COL23A1: variants seen among roughly 807,000 people sequenced by gnomAD.
The protein encoded by COL23A1 is collagen type XXIII alpha 1 chain.
A neutral mutation model predicts 99.3 loss-of-function variants in COL23A1; 97 were observed. The observed-to-expected ratio is 0.98, with a 90% confidence interval of 0.83 to 1.16. COL23A1 has a LOEUF of 1.16. Among genes scored for constraint, COL23A1 ranks in the 50% most tolerant of loss-of-function variants. The probability of loss-of-function intolerance (pLI) is 0.00; values close to 1 mark genes in which losing one functional copy is unlikely to be tolerated. For missense variants in COL23A1, 762 were observed against 757.4 expected, an observed-to-expected ratio of 1.01 and a Z score of -0.07; for synonymous variants, 320 against 308.2, an observed-to-expected ratio of 1.04 and a Z score of -0.40.
chr5:178,249,716 A>ACACACTCTCTCTCTCTCTCTCT, intron 18 of COL23A1, among the ~76,000 whole-genome samples: 3 of 92,810 alleles, frequency 3.2e-5, no homozygotes, highest in Non-Finnish European at 6.6e-5. Context: ...ACACACACAC[A>ACACACTCTCTCTCTCTCTCTCT]CTCTCTCTCT....
intron 2 of COL23A1, among the ~76,000 whole-genome samples, chr5:178,457,459 C>T (rs1156733840): frequency 1.3e-5 from 2 of 152,176 alleles, no homozygotes; most frequent in Non-Finnish European, 2.9e-5. Context: ...AAGTGATCCG[C>T]CCATCTCGGC....
chr5:178,312,610 TC>T (rs1189858093), intron 2 of COL23A1, among the ~76,000 whole-genome samples: 6 of 139,164 alleles, frequency 4.3e-5, no homozygotes, highest in African/African-American at 1.6e-4. Context: ...CCCAAGGACG[TC>T]CCCTCTAGCA....
chr5:178,432,288 T>C (rs76110902), intron 2 of COL23A1, among the ~76,000 whole-genome samples: 2,540 of 152,316 alleles, frequency 0.017, 28 homozygotes, highest in Non-Finnish European at 0.024. Context: ...AGAGGGAATT[T>C]AATGCAGACG....
intron 2 of COL23A1, among the ~76,000 whole-genome samples, chr5:178,383,525 A>T (rs1023586108): frequency 2.0e-5 from 3 of 152,148 alleles, no homozygotes; most frequent in African/African-American, 7.2e-5. Context: ...CCAATTTGGG[A>T]TGCTGGTTAC....
At chr5:178,420,377 C>T (rs1423711065) in intron 2 of COL23A1, among the ~76,000 whole-genome samples, 3 of 130,160 alleles carry the variant, frequency 2.3e-5, no homozygotes, top group African/African-American at 8.9e-5. Flanking sequence ...CTTTCCTCCT[C>T]CCCTCCCCCC....
chr5:178,534,462 C>T (rs1760823006), intron 2 of COL23A1, among the ~76,000 whole-genome samples: 1 of 152,170 alleles, frequency 6.6e-6, no homozygotes, highest in African/African-American at 2.4e-5. Context: ...GGGCTCAGCC[C>T]CATCGCTCAC....
chr5:178,263,568 C>A (rs1214685530), intron 8 of COL23A1, among the ~76,000 whole-genome samples: 4 of 152,172 alleles, frequency 2.6e-5, no homozygotes, highest in African/African-American at 9.7e-5. Flanking sequence ...GCCAGCTCTC[C>A]AGCGCCTGAA....
chr5:178,501,276 G>T (rs1288130322), intron 2 of COL23A1, among the ~76,000 whole-genome samples: 1 of 151,990 alleles, frequency 6.6e-6, no homozygotes, highest in East Asian at 1.9e-4. Flanking sequence ...ACACTAAAAG[G>T]CACAGACCAA....
intron 2 of COL23A1, among the ~76,000 whole-genome samples, chr5:178,363,987 G>A (rs1163553641): frequency 1.3e-5 from 2 of 152,156 alleles, no homozygotes; most frequent in African/African-American, 2.4e-5. Context: ...TTCGCTTTGC[G>A]GCCCTCCTGA....
Position 178,494,733 on chromosome 5 carries a change from C to T in COL23A1, c.361+65949G>A, listed in dbSNP as rs552982914. ...CCCCAAACAAGAAGGCTCTGCTCCC[C>T]GGTACATCCCTAACACCTTCAAACA... On this transcript the variant is annotated intron_variant, in intron 2 of 28. Coordinates refer to ENST00000390654, the MANE Select transcript of COL23A1 (RefSeq NM_173465.4). Among the ~76,000 whole-genome samples the T allele has an allele frequency of 1.8e-4, 27 of 152,270 alleles. 1 individual carries two copies. Among genetic ancestry groups the T allele is most frequent in the Middle Eastern group, 3.4e-3 (1 of 294 alleles).
At chr5:178,489,277 T>C (rs1202919341) in intron 2 of COL23A1, among the ~76,000 whole-genome samples, 4 of 152,236 alleles carry the variant, frequency 2.6e-5, no homozygotes, top group African/African-American at 4.8e-5. Context: ...TTTCTCCTCC[T>C]GCCCTTGGAC....
chr5:178,255,633 G>A lies in COL23A1; in HGVS notation c.883-607C>T, dbSNP rs1471109925. On this transcript the variant is annotated intron_variant, in intron 15 of 28. Transcript: ENST00000390654. This position sits in a 1 kb window ranked among gnomAD's most constrained non-coding sequence, Gnocchi z 4.2. ...CTTGGGGTACAGTGAAGGCTGGGGAGCACTTTGGTCCAGACCCGAGCCTAT... is the reference window on the plus strand; with the variant it reads ...CTTGGGGTACAGTGAAGGCTGGGGAACACTTTGGTCCAGACCCGAGCCTAT... 6.6e-6 allele frequency among the ~76,000 whole-genome samples: 1 copy of A among 152,180 alleles called. No homozygotes were observed. Among genetic ancestry groups the A allele is most frequent in the East Asian group, 1.9e-4 (1 of 5,190 alleles).
At chr5:178,349,369 G>C (rs137960453) in intron 2 of COL23A1, among the ~76,000 whole-genome samples, 2,824 of 152,300 alleles carry the variant, frequency 0.019, 52 homozygotes, top group South Asian at 0.083. Flanking sequence ...GGGTGCCCAG[G>C]AGAATCACAC....
At chr5:178,277,573 C>T (rs1056819755) in intron 5 of COL23A1, among the ~76,000 whole-genome samples, 1 of 152,236 alleles carries the variant, frequency 6.6e-6, no homozygotes, top group Non-Finnish European at 1.5e-5. Flanking sequence ...TGCAGGGCAT[C>T]TGATTTGTAA....
chr5:178,385,965 A>G (rs993826465), intron 2 of COL23A1, among the ~76,000 whole-genome samples: 2 of 152,216 alleles, frequency 1.3e-5, no homozygotes, highest in African/African-American at 2.4e-5. Flanking sequence ...ATGAAAATCC[A>G]TGTGTCCTAA....
Position 178,308,728 on chromosome 5 carries a change from G to C in COL23A1, c.362-1809C>G, listed in dbSNP as rs76854361. On this transcript the variant is annotated intron_variant, in intron 2 of 28. Transcript: ENST00000390654. The surrounding 1 kb of genome is among the most constrained non-coding windows in gnomAD (Gnocchi z 5.1). ...TGGTCTCCTCCCCAGTGCCCTGTGC[G>C]GGGCTGATGGTGCCTGGGAACCTCC... Among the ~76,000 whole-genome samples the C allele has an allele frequency of 6.6e-6, 1 of 152,158 alleles. No homozygotes were observed. Among genetic ancestry groups the C allele is most frequent in the Non-Finnish European group, 1.5e-5 (1 of 68,030 alleles).
intron 2 of COL23A1, among the ~76,000 whole-genome samples, chr5:178,358,244 GTA>G (rs1491334693): frequency 7.1e-5 from 9 of 126,886 alleles, no homozygotes; most frequent in Middle Eastern, 4.1e-3. Context: ...GTGTGTATGT[GTA>G]TGTGTGTGTA....
chr5:178,359,006 G>C (rs556788339), intron 2 of COL23A1, among the ~76,000 whole-genome samples: 1 of 152,146 alleles, frequency 6.6e-6, no homozygotes, highest in East Asian at 1.9e-4. Flanking sequence ...TCTAATAAAA[G>C]GCTTCTGATT....
chr5:178,460,004 C>T (rs1048160797), intron 2 of COL23A1, among the ~76,000 whole-genome samples: 1 of 152,026 alleles, frequency 6.6e-6, no homozygotes, highest in Non-Finnish European at 1.5e-5. Flanking sequence ...TTTTTAAAAT[C>T]TCCTTCTTTA....
Sources: allele counts gnomAD v4.1 joint callset (sites outside exome capture counted in the v4.1 genomes callset), GRCh38; gene constraint gnomAD v4.1.1; non-coding constraint Gnocchi (gnomAD v3.1); transcripts MANE v1.5; gene names NCBI Gene and HGNC (gene_info 2026-07-23, HGNC 2026-07-21).